The following NOL4 variants were observed in gnomAD, a reference collection of about 807,000 sequenced individuals.
NOL4 encodes cancer/testis antigen 125.
NOL4 carries 17 observed loss-of-function variants against 75.9 expected under a neutral mutation model. The observed-to-expected ratio is 0.22, with a 90% CI of 0.15 to 0.34. The LOEUF (loss-of-function observed/expected upper bound fraction) is 0.34, where lower values mean the gene tolerates loss of function less well. NOL4 is among the 10% of genes least tolerant of loss of function. The pLI is 1.00. For synonymous variants in NOL4, 292 were observed against 289.9 expected (o/e 1.01, Z -0.07); for missense variants, 614 against 793.5 (o/e 0.77, Z 2.72).
At chr18:34,165,610 A>T (rs1421188275) in intron 1 of NOL4, among the ~76,000 whole-genome samples, 3 of 152,188 alleles carry the variant, frequency 2.0e-5, no homozygotes, top group African/African-American at 7.2e-5. Context: ...TCTTCTTATG[A>T]AAGCTTTCAC....
At chr18:34,047,179 A>C (rs578078588) in intron 5 of NOL4, among the ~76,000 whole-genome samples, 7 of 152,286 alleles carry the variant, frequency 4.6e-5, no homozygotes, top group Non-Finnish European at 7.4e-5. Flanking sequence ...CAGGGAAAAG[A>C]AGTGCATGTG....
At chr18:34,065,507 T>C (rs915080916) in intron 5 of NOL4, among the ~76,000 whole-genome samples, 8 of 152,098 alleles carry the variant, frequency 5.3e-5, no homozygotes, top group African/African-American at 1.9e-4. Flanking sequence ...AATAATTTCA[T>C]GTAAAGCAAT....
intron 2 of NOL4, among the ~76,000 whole-genome samples, chr18:34,106,899 C>T (rs1028879111): frequency 3.3e-5 from 5 of 151,912 alleles, no homozygotes; most frequent in East Asian, 1.9e-4. Context: ...CAAAGCATAT[C>T]GAGTTATAGT....
At chr18:34,053,492 C>T (rs1419277097) in intron 5 of NOL4, among the ~76,000 whole-genome samples, 1 of 151,976 alleles carries the variant, frequency 6.6e-6, no homozygotes, top group African/African-American at 2.4e-5. Context: ...TAAAACCCAG[C>T]ATCAAGCCAG....
chr18:33,892,425 T>C (rs1251378803), intron 9 of NOL4, among the ~76,000 whole-genome samples: 1 of 151,912 alleles, frequency 6.6e-6, no homozygotes, highest in Non-Finnish European at 1.5e-5. Flanking sequence ...AGTGAGACCA[T>C]CTCTCTAAAT....
chr18:34,094,115 AATAAT>A (rs1355730644), intron 4 of NOL4, among the ~76,000 whole-genome samples: 1 of 152,208 alleles, frequency 6.6e-6, no homozygotes, highest in African/African-American at 2.4e-5. Flanking sequence ...AGACTTGTGA[AATAAT>A]ATAAAGAATG....
intron 5 of NOL4, among the ~76,000 whole-genome samples, chr18:34,079,974 C>A (rs1377662271): frequency 1.3e-5 from 2 of 152,200 alleles, no homozygotes; most frequent in African/African-American, 4.8e-5. Context: ...TTGGGAAAAT[C>A]CTGAATTCTG....
chr18:33,857,215 T>C (rs1376211473), intron 10 of NOL4, among the ~76,000 whole-genome samples: 1 of 152,012 alleles, frequency 6.6e-6, no homozygotes, highest in Non-Finnish European at 1.5e-5. Context: ...GAATGTGAAA[T>C]ATAAGAATTT....
intron 6 of NOL4, among the ~76,000 whole-genome samples, chr18:33,993,225 G>A (rs903405103): frequency 2.6e-5 from 4 of 151,894 alleles, no homozygotes; most frequent in Non-Finnish European, 5.9e-5. Flanking sequence ...CCAGTGCATT[G>A]TTGAAAATAA....
intron 9 of NOL4, among the ~76,000 whole-genome samples, chr18:33,904,096 T>A (rs1206159294): frequency 6.6e-6 from 1 of 152,156 alleles, no homozygotes; most frequent in Non-Finnish European, 1.5e-5. Context: ...GGCTCTTATG[T>A]TACTTGAAAA....
At position 33,910,783 on chromosome 18, in the gene NOL4, A is replaced by G. The variant is rs866888929; in HGVS notation, c.1543-27359T>C. 3.3e-5 allele frequency among the ~76,000 whole-genome samples: 5 copies of G among 152,202 alleles called. No individual in the cohort carries two copies. The Middle Eastern group carries it at 0.01, about 311-fold the overall frequency. On this transcript the variant is annotated intron_variant, in intron 9 of 10. Coordinates refer to ENST00000261592, the MANE Select transcript of NOL4 (RefSeq NM_003787.5). ...TTGGGGGTTTTGGTGTGGTTTGGCT[A>G]GTATTCTGAGCCATTACTACTAGTT...
intron 2 of NOL4, among the ~76,000 whole-genome samples, chr18:34,119,279 A>G (rs1019419434): frequency 2.0e-5 from 3 of 152,202 alleles, no homozygotes; most frequent in African/African-American, 7.2e-5. Context: ...CCTGTTAAAG[A>G]CCAGAAGAAT....
intron 10 of NOL4, among the ~76,000 whole-genome samples, chr18:33,872,618 G>T (rs1416950118): frequency 6.6e-6 from 1 of 151,960 alleles, no homozygotes; most frequent in African/African-American, 2.4e-5. Flanking sequence ...AATCAGTACT[G>T]TCCAACTGAA....
intron 5 of NOL4, among the ~76,000 whole-genome samples, chr18:34,068,405 T>C (rs2077371170): frequency 6.6e-6 from 1 of 152,126 alleles, no homozygotes; most frequent in Non-Finnish European, 1.5e-5. Flanking sequence ...AATTTTTTAA[T>C]TTTTTATTTT....
At chr18:34,128,614 A>T (rs2080489914) in intron 2 of NOL4, among the ~76,000 whole-genome samples, 1 of 151,896 alleles carries the variant, frequency 6.6e-6, no homozygotes, top group Non-Finnish European at 1.5e-5. Flanking sequence ...AAGTCAAAAG[A>T]AAGTTTATGT....
At chr18:34,039,988 A>G (rs1266088213) in intron 5 of NOL4, among the ~76,000 whole-genome samples, 1 of 151,992 alleles carries the variant, frequency 6.6e-6, no homozygotes, top group Non-Finnish European at 1.5e-5. Flanking sequence ...AAGTATTCTG[A>G]GCATCTTTAA....
intron 8 of NOL4, among the ~76,000 whole-genome samples, chr18:33,955,140 G>C (rs1038684581): frequency 1.3e-5 from 2 of 152,050 alleles, no homozygotes; most frequent in African/African-American, 4.8e-5. Flanking sequence ...AATATTAATA[G>C]CTACATAGGT....
intron 1 of NOL4, among the ~76,000 whole-genome samples, chr18:34,171,968 AC>A (rs2033085815): frequency 6.6e-6 from 1 of 152,072 alleles, no homozygotes; most frequent in Non-Finnish European, 1.5e-5. Flanking sequence ...CCAATACAAT[AC>A]CCAGCAATGA....
At chr18:33,886,217 G>A (rs2064639380) in intron 9 of NOL4, among the ~76,000 whole-genome samples, 1 of 151,768 alleles carries the variant, frequency 6.6e-6, no homozygotes, top group African/African-American at 2.4e-5. Context: ...GATGGTTAAT[G>A]GGTAAAAACA....
Sources: allele counts gnomAD v4.1 joint callset (sites outside exome capture counted in the v4.1 genomes callset), GRCh38; gene constraint gnomAD v4.1.1; transcripts MANE v1.5; gene names NCBI Gene and HGNC (gene_info 2026-07-23, HGNC 2026-07-21).